Variants in MEOX2 observed in about 807,000 individuals in gnomAD.
MEOX2 encodes the protein homeobox protein MOX-2.
In MEOX2, 11 loss-of-function variants were observed where a neutral mutation model predicts 27.0. The ratio of observed to expected loss-of-function variants is 0.41; its 90% CI spans 0.26 to 0.68. MEOX2 has a LOEUF of 0.68. MEOX2 is among the 30% of genes least tolerant of loss of function. The pLI is 0.33. For missense variants in MEOX2, 436 were observed against 385.4 expected (o/e 1.13, Z -1.10); for synonymous variants, 189 against 155.4 (o/e 1.22, Z -1.61).
intron 2 of MEOX2, among the ~76,000 whole-genome samples, chr7:15,621,651 T>A (rs116516501): frequency 2.0e-5 from 3 of 152,174 alleles, no homozygotes; most frequent in Non-Finnish European, 4.4e-5. Context: ...AAAATTTGTG[T>A]TGGATATACT....
In MEOX2 at chr7:15,612,445, G is replaced by A. The variant is rs747111834; in HGVS notation, c.857C>T (p.Ser286Phe). 6.2e-7 allele frequency: 1 copy of A among 1,614,028 alleles called. No homozygotes were observed. The change falls in exon 3 of 3, where the codon TCT becomes TTT. Residue 286 changes from serine (S) to phenylalanine (F), a missense_variant. Transcript: ENST00000262041. ...GAATLQQTGD[S>F]IANEDSHDSD... ...GTCGTGACTGTCTTCATTTGCTATA[G>A]AGTCCCCTGTTTGCTGGAGGGTGGC...
At chr7:15,648,583 A>C (rs1682285001) in intron 1 of MEOX2, among the ~76,000 whole-genome samples, 1 of 152,074 alleles carries the variant, frequency 6.6e-6, no homozygotes, top group Non-Finnish European at 1.5e-5. Flanking sequence ...AACTGTCTCC[A>C]CATTCCATAA....
At chr7:15,685,470 C>CA (rs1489226108) in intron 1 of MEOX2, among the ~76,000 whole-genome samples, 1 of 152,186 alleles carries the variant, frequency 6.6e-6, no homozygotes, top group Admixed American at 6.5e-5. Flanking sequence ...TCGAGCCACT[C>CA]AGAGTCGGCA....
chr7:15,630,099 T>G (rs1781378721), intron 1 of MEOX2, among the ~76,000 whole-genome samples: 1 of 152,038 alleles, frequency 6.6e-6, no homozygotes, highest in African/African-American at 2.4e-5. Flanking sequence ...AATTGTTGTT[T>G]TTCGTCTCAG....
chr7:15,672,661 G>T (rs1782120352), intron 1 of MEOX2, among the ~76,000 whole-genome samples: 1 of 152,050 alleles, frequency 6.6e-6, no homozygotes, highest in Non-Finnish European at 1.5e-5. Flanking sequence ...GGGAGGCCAA[G>T]GTGGGCGGAT....
intron 1 of MEOX2, among the ~76,000 whole-genome samples, chr7:15,654,974 C>T (rs1781795337): frequency 6.6e-6 from 1 of 151,572 alleles, no homozygotes; most frequent in African/African-American, 2.4e-5. Context: ...ATTCTTATTT[C>T]AGTTTGGTAG....
intron 1 of MEOX2, among the ~76,000 whole-genome samples, chr7:15,684,513 T>G (rs1039716354): frequency 4.6e-5 from 7 of 152,184 alleles, no homozygotes; most frequent in Non-Finnish European, 8.8e-5. Context: ...AAAATAAAAG[T>G]TAGCTTTTGA....
chr7:15,647,710 T>G, intron 1 of MEOX2, among the ~76,000 whole-genome samples: 1 of 152,078 alleles, frequency 6.6e-6, no homozygotes, highest in East Asian at 1.9e-4. Flanking sequence ...AAACAAATCA[T>G]GAAAAGTTTT....
At position 15,686,474 on chromosome 7, in the gene MEOX2, T is replaced by G; in HGVS notation, c.-72A>C. On this transcript the variant is annotated 5_prime_UTR_variant, in exon 1 of 3. Transcript: ENST00000262041. ...AAAGGCCACCACCCTCTGTCACTTT[T>G]TCACTGGAAACCGTGTGATTTTTTT... The G allele has an allele frequency of 7.4e-7, 1 of 1,357,354 alleles. No individual in the cohort carries two copies. Among genetic ancestry groups the G allele is most frequent in the Non-Finnish European group, 9.9e-7 (1 of 1,009,626 alleles). 84.1% of individuals were successfully genotyped at this position (1,357,354 alleles called of 1,614,324 possible).
In MEOX2 at chr7:15,649,399, G is replaced by A. The variant is rs139767147; in HGVS notation, c.518-22481C>T. 3.4e-3 allele frequency among the ~76,000 whole-genome samples: 512 copies of A among 152,052 alleles called. 2 individuals carry two copies. Among genetic ancestry groups the A allele is most frequent in the African/African-American group, 0.012 (495 of 41,504 alleles). On this transcript the variant is annotated intron_variant, in intron 1 of 2. Coordinates refer to ENST00000262041, the MANE Select transcript of MEOX2 (RefSeq NM_005924.5). ...GCTAAAACATCGAAGAACATACTTT[G>A]TACTAGAAAAGAGATAGAAGCATCT...
intron 1 of MEOX2, among the ~76,000 whole-genome samples, chr7:15,653,451 G>T (rs545065175): frequency 2.5e-4 from 38 of 151,932 alleles, no homozygotes; most frequent in Admixed American, 1.6e-3. Flanking sequence ...TCTTAACAGG[G>T]TCTTTCACGG....
At chr7:15,635,369 A>C (rs1781464676) in intron 1 of MEOX2, among the ~76,000 whole-genome samples, 1 of 151,998 alleles carries the variant, frequency 6.6e-6, no homozygotes, top group African/African-American at 2.4e-5. Flanking sequence ...ATGGTTATGA[A>C]ACCTAAAATA....
At chr7:15,667,006 A>G (rs1782018362) in intron 1 of MEOX2, among the ~76,000 whole-genome samples, 2 of 150,760 alleles carry the variant, frequency 1.3e-5, no homozygotes, top group Admixed American at 6.6e-5. Context: ...GAAGTAGGAA[A>G]TAAGGCTGGG....
At chr7:15,635,578 A>T (rs927296320) in intron 1 of MEOX2, among the ~76,000 whole-genome samples, 14 of 152,004 alleles carry the variant, frequency 9.2e-5, no homozygotes, top group Non-Finnish European at 1.5e-5. Context: ...ATCAATTGTA[A>T]ACTCTAGCCG....
At chr7:15,631,799 A>C (rs1365518786) in intron 1 of MEOX2, among the ~76,000 whole-genome samples, 2 of 151,830 alleles carry the variant, frequency 1.3e-5, no homozygotes, top group African/African-American at 4.8e-5. Flanking sequence ...TATATTTTAC[A>C]TATTATTTTA....
At chr7:15,627,698 T>C (rs997983941) in intron 1 of MEOX2, among the ~76,000 whole-genome samples, 5 of 151,954 alleles carry the variant, frequency 3.3e-5, no homozygotes, top group African/African-American at 1.2e-4. Context: ...CTCTTAAGGG[T>C]TCAATACATA....
rs1177619250 is a variant in MEOX2 at position 15,612,462 on chromosome 7, G to T, written c.840C>A (p.Leu280=). ...SELSGIGAAT[L]QQTGDSIANE... is the part of the protein sequence containing the mutation. ...TTGCTATAGAGTCCCCTGTTTGCTG[G>T]AGGGTGGCTGCACCAATTCCCGACA... is the stretch of plus-strand genomic sequence containing the variant. The change falls in exon 3 of 3, where the codon CTC becomes CTA. Residue 280 remains leucine (L), a synonymous_variant. Transcript: ENST00000262041. 6.2e-7 allele frequency: 1 copy of T among 1,614,094 alleles called. No individual in the cohort carries two copies. Among genetic ancestry groups the T allele is most frequent in the Non-Finnish European group, 8.5e-7 (1 of 1,180,026 alleles).
At chr7:15,675,420 A>G (rs1782176672) in intron 1 of MEOX2, among the ~76,000 whole-genome samples, 1 of 152,230 alleles carries the variant, frequency 6.6e-6, no homozygotes, top group African/African-American at 2.4e-5. Context: ...TTGTTCACTT[A>G]AAAGCAGTAG....
intron 1 of MEOX2, among the ~76,000 whole-genome samples, chr7:15,629,815 C>G (rs1023646729): frequency 2.6e-5 from 4 of 151,998 alleles, no homozygotes; most frequent in Admixed American, 6.6e-5. Flanking sequence ...CTTGCTGACC[C>G]TAAGGCCTCT....
Sources: allele counts gnomAD v4.1 joint callset (sites outside exome capture counted in the v4.1 genomes callset), GRCh38; gene constraint gnomAD v4.1.1; transcripts MANE v1.5; gene names NCBI Gene and HGNC (gene_info 2026-07-23, HGNC 2026-07-21).